Variants in CAMK2A observed in about 807,000 individuals in gnomAD.
CAMK2A encodes the protein calcium/calmodulin dependent protein kinase II alpha.
Under a neutral mutation model 79.2 loss-of-function variants are expected in CAMK2A, and 7 were observed. That is an observed-to-expected ratio of 0.09 (90% CI 0.05 to 0.17). The LOEUF (loss-of-function observed/expected upper bound fraction) is 0.17, where lower values mean the gene tolerates loss of function less well. Among genes scored for constraint, CAMK2A ranks in the 10% least tolerant of loss-of-function variants. CAMK2A has a pLI of 1.00. For synonymous variants in CAMK2A, 242 were observed against 251.7 expected, an observed-to-expected ratio of 0.96 and a Z score of 0.36; for missense variants, 214 against 646.4, an observed-to-expected ratio of 0.33 and a Z score of 7.25.
chr5:150,248,750 G>A (rs1377061401), intron 11 of CAMK2A, among the ~76,000 whole-genome samples: 2 of 152,032 alleles, frequency 1.3e-5, no homozygotes, highest in African/African-American at 4.8e-5. Context: ...GGACATTTGG[G>A]TTGGTTCCAA....
intron 15 of CAMK2A, among the ~76,000 whole-genome samples, chr5:150,234,839 C>T (rs1692128335): frequency 6.6e-6 from 1 of 152,188 alleles, no homozygotes; most frequent in African/African-American, 2.4e-5. Flanking sequence ...CTTCCTTCTC[C>T]TTTCAAGTTG....
intron 2 of CAMK2A, among the ~76,000 whole-genome samples, chr5:150,269,170 G>A (rs1015938337): frequency 2.6e-5 from 4 of 152,202 alleles, no homozygotes; most frequent in African/African-American, 9.7e-5. Flanking sequence ...CTCCTGCCTG[G>A]GGACCTGGGG....
intron 1 of CAMK2A, 42 bp downstream of exon 1, chr5:150,289,522 C>A: frequency 6.5e-7 from 1 of 1,536,902 alleles, no homozygotes; most frequent in Non-Finnish European, 9.0e-7. Context: ...CCTGACCTCC[C>A]CGCCCCCCAT....
In CAMK2A at chr5:150,273,093, G is replaced by T. The variant is rs1440321224; in HGVS notation, c.129C>A (p.Ile43=). The T allele has an allele frequency of 3.7e-6, 6 of 1,613,676 alleles. No homozygotes were observed. Among genetic ancestry groups the T allele is most frequent in the Non-Finnish European group, 5.1e-6 (6 of 1,179,954 alleles). ...VLAGQEYAAK[I]INTKKLSARD... ...TGGCTGACAGCTTCTTTGTGTTGAT[G>T]ATCTTGGCAGCATACTCCTGGCCAG... Residue 43 remains isoleucine (I), a synonymous_variant, in exon 2 of 19, where the codon ATC becomes ATA. Transcript: ENST00000671881.
intron 15 of CAMK2A, 174 bp downstream of exon 15, chr5:150,238,526 C>T: frequency 1.4e-6 from 1 of 718,000 alleles, no homozygotes; most frequent in South Asian, 1.5e-5. Flanking sequence ...ACCACCCCCG[C>T]CCTCCATGGG....
chr5:150,241,940 G>A lies in CAMK2A; in HGVS notation c.985-2204C>T, dbSNP rs555173186. On this transcript the variant is annotated intron_variant, in intron 13 of 18. Coordinates refer to ENST00000671881, the MANE Select transcript of CAMK2A (RefSeq NM_015981.4). ...ACAGCTCAGCTGTCAGCAGAAACCC[G>A]AGGAGCCGCGCAGGGGCCAGGAGGT... Among the ~76,000 whole-genome samples, 22 of 152,254 alleles carry A rather than the reference G, an allele frequency of 1.4e-4. No homozygotes were observed. The South Asian group carries it at 1.9e-3, about 13-fold the overall frequency.
At chr5:150,266,261 T>C (rs1222843631) in intron 2 of CAMK2A, among the ~76,000 whole-genome samples, 1 of 152,180 alleles carries the variant, frequency 6.6e-6, no homozygotes, top group Non-Finnish European at 1.5e-5. Context: ...GTGGGACACA[T>C]GATCCTACTC....
chr5:150,225,041 GGAGA>G (rs58360121), intron 17 of CAMK2A, among the ~76,000 whole-genome samples: 4,379 of 108,908 alleles, frequency 0.04, 199 homozygotes, highest in African/African-American at 0.13. Flanking sequence ...TGGTAGGTAG[GGAGA>G]GAGAGAGAGA....
chr5:150,263,353 T>A lies in CAMK2A; in HGVS notation c.217+1603A>T, dbSNP rs180895584. Among the ~76,000 whole-genome samples, 722 of 151,690 alleles carry A rather than the reference T, an allele frequency of 4.8e-3. 5 individuals are homozygous for A. Among genetic ancestry groups the A allele is most frequent in the Admixed American group, 7.3e-3 (111 of 15,208 alleles). On this transcript the variant is annotated intron_variant, in intron 3 of 18. Transcript: ENST00000671881. ...AGCAACACACACACACATTCACACATTCACACACACTCACATACATGCACT... is the reference window on the plus strand; with the variant it reads ...AGCAACACACACACACATTCACACAATCACACACACTCACATACATGCACT...
At chr5:150,248,370 T>C (rs1205105670) in intron 11 of CAMK2A, among the ~76,000 whole-genome samples, 1 of 150,240 alleles carries the variant, frequency 6.7e-6, no homozygotes, top group Non-Finnish European at 1.5e-5. Flanking sequence ...AGTTCTAGGG[T>C]ACATGTGCAC....
Position 150,238,691 on chromosome 5 carries a change from C to T in CAMK2A, c.1066+9G>A, listed in dbSNP as rs968973603. On this transcript the variant is annotated intron_variant, in intron 15 of 18. Transcript: ENST00000671881. ...CTAAGGGGTCCCGACACTGAAGGCCCCTCCCTACCTTTGGTGTCTTCATCC... is the reference window on the plus strand; with the variant it reads ...CTAAGGGGTCCCGACACTGAAGGCCTCTCCCTACCTTTGGTGTCTTCATCC... The T allele has an allele frequency of 1.2e-6, 2 of 1,602,448 alleles. No homozygotes were observed. The highest frequency in any genetic ancestry group is 1.7e-6 in the Non-Finnish European group (2 of 1,173,252).
At chr5:150,245,562 G>A (rs1755532584) in intron 12 of CAMK2A, among the ~76,000 whole-genome samples, 2 of 152,198 alleles carry the variant, frequency 1.3e-5, no homozygotes, top group African/African-American at 4.8e-5. Context: ...CCGAGGTCTG[G>A]CTGCCTGGCC....
intron 9 of CAMK2A, among the ~76,000 whole-genome samples, chr5:150,251,522 G>C (rs1283459926): frequency 6.6e-6 from 1 of 152,174 alleles, no homozygotes; most frequent in Non-Finnish European, 1.5e-5. Context: ...CCTGGCTTGG[G>C]AGGCGCCTCT....
intron 17 of CAMK2A, among the ~76,000 whole-genome samples, chr5:150,225,920 T>G (rs1754578889): frequency 6.6e-6 from 1 of 152,136 alleles, no homozygotes; most frequent in Admixed American, 6.5e-5. Context: ...AATTTTTGTA[T>G]TTTTAGTAAA....
chr5:150,288,249 A>G (rs1757513047), intron 1 of CAMK2A, among the ~76,000 whole-genome samples: 1 of 152,092 alleles, frequency 6.6e-6, no homozygotes, highest in Admixed American at 6.5e-5. Flanking sequence ...GACCTCACAC[A>G]CATGTGCCTT....
chr5:150,245,298 G>T, intron 12 of CAMK2A, 97 bp from the exon 13 acceptor site: 1 of 1,164,880 alleles, frequency 8.6e-7, no homozygotes, highest in Non-Finnish European at 1.3e-6. Context: ...CCGGAGGGCA[G>T]ACTGCAGGGA....
At chr5:150,246,460 AC>A (rs1755571897) in intron 12 of CAMK2A, among the ~76,000 whole-genome samples, 1 of 152,186 alleles carries the variant, frequency 6.6e-6, no homozygotes, top group South Asian at 2.1e-4. Flanking sequence ...TCAAGAGACG[AC>A]AGCAATCTGG....
At position 150,223,816 on chromosome 5, in the gene CAMK2A, C is replaced by A. The variant is rs1179125315; in HGVS notation, c.1238-599G>T. Among the ~76,000 whole-genome samples, 1 of 152,216 alleles carries A rather than the reference C, an allele frequency of 6.6e-6. No homozygotes were observed. The highest frequency in any genetic ancestry group is 1.9e-4 in the East Asian group (1 of 5,196). ...AAATCTGAATTTTTATATGAAAACTCTTCATTTTTTAGTATTGGCATCTAA... is the reference window on the plus strand; with the variant it reads ...AAATCTGAATTTTTATATGAAAACTATTCATTTTTTAGTATTGGCATCTAA... On this transcript the variant is annotated intron_variant, in intron 17 of 18. Transcript: ENST00000671881. This position sits in a 1 kb window ranked among gnomAD's most constrained non-coding sequence, Gnocchi z 4.1.
intron 16 of CAMK2A, among the ~76,000 whole-genome samples, chr5:150,229,000 C>G (rs898204981): frequency 2.0e-5 from 3 of 152,182 alleles, no homozygotes; most frequent in Admixed American, 2.0e-4. Context: ...GGGAAGGGAA[C>G]AAGCTGTCTT....
Sources: gnomAD v4.1 joint callset for allele counts (sites outside exome capture counted in the v4.1 genomes callset) on GRCh38, gnomAD v4.1.1 for gene constraint, Gnocchi (gnomAD v3.1) non-coding constraint, MANE v1.5 for transcripts, NCBI Gene and HGNC (gene_info 2026-07-23, HGNC 2026-07-21) for gene names.